Variants in FBRSL1 observed in about 807,000 individuals in gnomAD.
The protein encoded by FBRSL1 is fibrosin like 1.
In FBRSL1, 51 loss-of-function variants were observed where a neutral mutation model predicts 89.6. The observed-to-expected ratio is 0.57, with a 90% CI of 0.45 to 0.72. FBRSL1 has a LOEUF of 0.72. FBRSL1 is among the 30% of genes least tolerant of loss of function. FBRSL1 has a pLI of 0.00. For missense variants in FBRSL1, 1,618 were observed against 1,451.8 expected (o/e 1.11, Z -1.86); for synonymous variants, 779 against 681.1 (o/e 1.14, Z -2.24).
intron 2 of FBRSL1, chr12:132,509,835 C>T: frequency 1.6e-6 from 2 of 1,232,002 alleles, no homozygotes; most frequent in Non-Finnish European, 2.0e-6. Flanking sequence ...GTACCAGCCC[C>T]CGCGGCCACT....
chr12:132,551,128 C>T lies in FBRSL1; in HGVS notation c.645+3096C>T, dbSNP rs1300470616. 4 of 343,994 alleles carry T rather than the reference C, an allele frequency of 1.2e-5. No individual in the cohort carries two copies. In the East Asian group the frequency reaches 3.0e-4, roughly 26 times the overall value. 21.3% of individuals were successfully genotyped at this position (343,994 alleles called of 1,614,324 possible). A position where few individuals can be genotyped will look rare whatever the true frequency, so the allele number is the denominator to read the frequency against. ...CAGGAGGGACAGAGCCCTGCAGGCTCCAGATGGCAGAATTCCCGGCTCTGA... is the reference window on the plus strand; with the variant it reads ...CAGGAGGGACAGAGCCCTGCAGGCTTCAGATGGCAGAATTCCCGGCTCTGA... On this transcript the variant is annotated intron_variant, in intron 5 of 18. Coordinates refer to ENST00000680143, the MANE Select transcript of FBRSL1 (RefSeq NM_001367871.1).
chr12:132,505,037 A>G (rs1020147170), intron 1 of FBRSL1, among the ~76,000 whole-genome samples: 1 of 152,096 alleles, frequency 6.6e-6, no homozygotes, highest in Non-Finnish European at 1.5e-5. Flanking sequence ...GAGGCAGGAG[A>G]ATTGCTTAAA....
chr12:132,558,847 C>G (rs4475994), intron 5 of FBRSL1, among the ~76,000 whole-genome samples: 69,671 of 152,172 alleles, frequency 0.46, 16,929 homozygotes, highest in Middle Eastern at 0.56. Context: ...AACTGGAGCC[C>G]AAGCCCTCTG....
chr12:132,578,244 C>A (rs2040502162), intron 15 of FBRSL1, among the ~76,000 whole-genome samples: 1 of 151,996 alleles, frequency 6.6e-6, no homozygotes, highest in Non-Finnish European at 1.5e-5. Flanking sequence ...CCTCAGGAGG[C>A]TGAGGCAGGA....
At chr12:132,576,453 A>G (rs766923832) in intron 14 of FBRSL1, among the ~76,000 whole-genome samples, 6 of 152,132 alleles carry the variant, frequency 3.9e-5, no homozygotes, top group Non-Finnish European at 7.4e-5. Flanking sequence ...TCAGCCTCCC[A>G]AAGTGCTGGG....
intron 1 of FBRSL1, among the ~76,000 whole-genome samples, chr12:132,503,118 A>G (rs1226482325): frequency 6.4e-5 from 3 of 47,086 alleles, no homozygotes; most frequent in Non-Finnish European, 9.4e-5. Flanking sequence ...CTCCCACCCC[A>G]CCCCCCAGGA....
Position 132,576,859 on chromosome 12 carries a change from C to G in FBRSL1, c.1762C>G (p.Pro588Ala). The G allele has an allele frequency of 6.4e-7, 1 of 1,551,002 alleles. No homozygotes were observed. Among genetic ancestry groups the G allele is most frequent in the Non-Finnish European group, 8.7e-7 (1 of 1,146,910 alleles). Residue 588 changes from proline (P) to alanine (A), a missense_variant, in exon 15 of 19, where the codon CCC (proline) becomes GCC (alanine). By Grantham distance (27) the Pro-to-Ala change is conservative. Transcript: ENST00000680143. ...TGCAAAGCTGGACCTGTTCGGCAGA[C>G]CCCCTGCCCCGGGCGTGTTTGCAGG... ...VGAKLDLFGR[P>A]PAPGVFAGFH...
chr12:132,500,315 T>C (rs900765337), intron 1 of FBRSL1, among the ~76,000 whole-genome samples: 2 of 152,186 alleles, frequency 1.3e-5, no homozygotes, highest in Non-Finnish European at 2.9e-5. Context: ...GGTGCTGTGC[T>C]GTCCCCATGC....
At chr12:132,515,687 G>A (rs960423767) in intron 2 of FBRSL1, among the ~76,000 whole-genome samples, 3 of 152,048 alleles carry the variant, frequency 2.0e-5, no homozygotes, top group Non-Finnish European at 4.4e-5. Context: ...ATCACTTGAG[G>A]TCAGGAGTTC....
intron 5 of FBRSL1, among the ~76,000 whole-genome samples, chr12:132,557,500 C>T (rs1264772035): frequency 6.6e-6 from 1 of 152,188 alleles, no homozygotes; most frequent in Non-Finnish European, 1.5e-5. Context: ...GGGCTCGGGG[C>T]TCGGGGCTGG....
chr12:132,503,401 G>A (rs11147271), intron 1 of FBRSL1, among the ~76,000 whole-genome samples: 31,425 of 152,250 alleles, frequency 0.21, 4,091 homozygotes, highest in Non-Finnish European at 0.29. Context: ...CTGTGGGTGC[G>A]TGATGTGGGG....
chr12:132,517,057 G>A (rs1381464140), intron 2 of FBRSL1, among the ~76,000 whole-genome samples: 1 of 152,240 alleles, frequency 6.6e-6, no homozygotes, highest in Non-Finnish European at 1.5e-5. Flanking sequence ...GACGCTAGAG[G>A]CTTATCTTTG....
chr12:132,555,655 C>G (rs962780191), intron 5 of FBRSL1, among the ~76,000 whole-genome samples: 1 of 152,228 alleles, frequency 6.6e-6, no homozygotes, highest in Non-Finnish European at 1.5e-5. Flanking sequence ...CTTCCTGCCT[C>G]TTCCCACTCC....
At chr12:132,565,054 A>C (rs1023346119) in intron 5 of FBRSL1, 3 of 152,244 alleles carry the variant, frequency 2.0e-5, no homozygotes, top group African/African-American at 7.2e-5. Flanking sequence ...GGGGACAGAC[A>C]AGCACAGAAC....
rs1387535090 is a variant in FBRSL1 at position 132,569,988 on chromosome 12, C to T, written c.754C>T (p.Arg252Cys). Reference sequence around the variant, plus strand: ...GGTGCCCAAGGTGTCAGGCCTGGAGCGCAGCCGCGAGCTCAGCGCCGAGAG... The same window carrying T: ...GGTGCCCAAGGTGTCAGGCCTGGAGTGCAGCCGCGAGCTCAGCGCCGAGAG... ...GPVPKVSGLE[R>C]SRELSAESFL... Residue 252 changes from arginine (R) to cysteine (C), a missense_variant, in exon 7 of 19, where the codon CGC becomes TGC. Transcript: ENST00000680143. 2.7e-6 allele frequency: 4 copies of T among 1,493,660 alleles called. No individual in the cohort carries two copies. Among genetic ancestry groups the T allele is most frequent in the Non-Finnish European group, 3.5e-6 (4 of 1,128,894 alleles). 92.5% of individuals were successfully genotyped at this position (1,493,660 alleles called of 1,614,324 possible). A position where few individuals can be genotyped will look rare whatever the true frequency, so the allele number is the denominator to read the frequency against.
rs974763103 is a variant in FBRSL1, at chr12:132,548,096, C to T, written c.645+64C>T. The T allele has an allele frequency of 1.9e-5, 29 of 1,533,296 alleles. No homozygotes were observed. In the South Asian group the frequency reaches 3.0e-4, roughly 16 times the overall value. The allele number at this position is 1,533,296 out of a possible 1,614,324, so 95.0% of individuals were successfully genotyped here. Reference sequence around the variant, plus strand: ...CCTGCCCTTCCCTGCTGACCTTGGCCCTGTGAGGTGGGCCCTGGAGACCAG... The same window carrying T: ...CCTGCCCTTCCCTGCTGACCTTGGCTCTGTGAGGTGGGCCCTGGAGACCAG... On this transcript the variant is annotated intron_variant, in intron 5 of 18. Transcript: ENST00000680143.
chr12:132,519,801 A>G (rs374922543), intron 2 of FBRSL1, among the ~76,000 whole-genome samples: 1 of 151,540 alleles, frequency 6.6e-6, no homozygotes, highest in South Asian at 2.1e-4. Context: ...CCCAGCTACT[A>G]GAGAGGCTGA....
In FBRSL1 at chr12:132,490,540, G is replaced by C; in HGVS notation, c.-31G>C. 1 of 980,446 alleles carries C rather than the reference G, an allele frequency of 1.0e-6. No homozygotes were observed. Among genetic ancestry groups the C allele is most frequent in the Non-Finnish European group, 1.2e-6 (1 of 828,030 alleles). 60.7% of individuals were successfully genotyped at this position (980,446 alleles called of 1,614,324 possible). ...TGCGAGCCAGGCGCGGGGCGTCAAG[G>C]TCACCGGCCCGACGGGGCGCACGCG... On this transcript the variant is annotated 5_prime_UTR_variant, in exon 1 of 19. Transcript: ENST00000680143.
chr12:132,520,083 T>G (rs1038496185), intron 2 of FBRSL1, among the ~76,000 whole-genome samples: 1 of 148,600 alleles, frequency 6.7e-6, no homozygotes, highest in African/African-American at 2.5e-5. Context: ...ACCCCCTCCT[T>G]GCACCCCTCC....
Sources: gnomAD v4.1 joint callset for allele counts (sites outside exome capture counted in the v4.1 genomes callset) on GRCh38, gnomAD v4.1.1 for gene constraint, MANE v1.5 for transcripts, NCBI Gene and HGNC (gene_info 2026-07-23, HGNC 2026-07-21) for gene names.